Variants in ISM1 observed in about 807,000 individuals in gnomAD.
ISM1 encodes isthmin 1, also known as isthmin-1.
Under a neutral mutation model 46.3 loss-of-function variants are expected in ISM1, and 25 were observed. That is an observed-to-expected ratio of 0.54 (90% CI 0.39 to 0.75). The LOEUF (loss-of-function observed/expected upper bound fraction) is 0.75. ISM1 is among the 30% of genes least tolerant of loss of function. The pLI, the probability that ISM1 is intolerant of heterozygous loss-of-function variation, is 0.00. For synonymous variants in ISM1, 255 were observed against 256.7 expected (o/e 0.99, Z 0.06); for missense variants, 536 against 625.4 (o/e 0.86, Z 1.52).
rs2040443954 is a variant in ISM1, at chr20:13,299,870, TA to T, written c.*413del. On this transcript the variant is annotated 3_prime_UTR_variant, in exon 6 of 6. Coordinates refer to ENST00000262487, the MANE Select transcript of ISM1 (RefSeq NM_080826.2). This position sits in a 1 kb window ranked among gnomAD's most constrained non-coding sequence, Gnocchi z 5.8. The stretch of plus-strand genomic sequence containing the variant: ...TAACTTATTTAATACAAATGTGACT[TA>T]ATTAAGCGTAACCTTTTCTCTGGAG... The T allele has an allele frequency of 6.2e-6, 1 of 160,418 alleles. No individual in the cohort carries two copies. The allele number at this position is 160,418 out of a possible 1,614,324, so 9.9% of individuals were successfully genotyped here.
At chr20:13,326,643 C>T in the ISM1 span, among the ~76,000 whole-genome samples, 2 of 152,040 alleles carry the variant, frequency 1.3e-5, no homozygotes, top group East Asian at 3.9e-4. Context: ...GTTTCTTTGC[C>T]TTTCATAAAT....
chr20:13,294,363 A>G (rs2040385980), intron 5 of ISM1, among the ~76,000 whole-genome samples: 1 of 152,226 alleles, frequency 6.6e-6, no homozygotes, highest in African/African-American at 2.4e-5. Context: ...CTGCAAATAC[A>G]ATGCATTTGA....
At chr20:13,237,045 G>C (rs2039658870) in intron 1 of ISM1, among the ~76,000 whole-genome samples, 1 of 152,224 alleles carries the variant, frequency 6.6e-6, no homozygotes, top group Admixed American at 6.5e-5. Context: ...TAGGGACTCT[G>C]TGTGGGGGCT....
At chr20:13,277,636 C>G (rs1328374460) in intron 2 of ISM1, among the ~76,000 whole-genome samples, 1 of 137,870 alleles carries the variant, frequency 7.3e-6, no homozygotes, top group Non-Finnish European at 1.5e-5. Context: ...TTTTCTTCCC[C>G]CCTACCCTTT....
At chr20:13,325,576 C>T in the ISM1 span, among the ~76,000 whole-genome samples, 1 of 152,082 alleles carries the variant, frequency 6.6e-6, no homozygotes, top group South Asian at 2.1e-4. Context: ...CCCAGAGAAT[C>T]GATAATGGGT....
chr20:13,290,573 C>T (rs925366123), intron 4 of ISM1, among the ~76,000 whole-genome samples: 7 of 152,006 alleles, frequency 4.6e-5, no homozygotes, highest in Admixed American at 6.6e-5. Flanking sequence ...GGCAGGAACC[C>T]GGGAGGCGGA....
chr20:13,233,385 C>T (rs1007684192), intron 1 of ISM1, among the ~76,000 whole-genome samples: 3 of 151,832 alleles, frequency 2.0e-5, no homozygotes, highest in East Asian at 1.9e-4. Flanking sequence ...CACCTGAGGT[C>T]GGGAGTTCGA....
At position 13,221,659 on chromosome 20, in the gene ISM1, G is replaced by T; in HGVS notation, c.-118G>T. 1.1e-6 allele frequency: 1 copy of T among 875,476 alleles called. No homozygotes were observed. Among genetic ancestry groups the T allele is most frequent in the South Asian group, 5.2e-5 (1 of 19,412 alleles). The allele number at this position is 875,476 out of a possible 1,614,324, so 54.2% of individuals were successfully genotyped here. A position where few individuals can be genotyped will look rare whatever the true frequency, so the allele number is the denominator to read the frequency against. On this transcript the variant is annotated 5_prime_UTR_variant, in exon 1 of 6. Transcript: ENST00000262487. ...CGGGCCCGGGAAGCGGAGCCCTGGC[G>T]GGAGCCGAGGCGGGAGCCGCGCTGC...
intron 1 of ISM1, among the ~76,000 whole-genome samples, chr20:13,259,808 T>C (rs753861405): frequency 1.7e-4 from 26 of 152,226 alleles, no homozygotes; most frequent in Non-Finnish European, 2.6e-4. Flanking sequence ...TCCTACAGAA[T>C]TAAATACTTT....
intron 1 of ISM1, among the ~76,000 whole-genome samples, chr20:13,227,631 C>T (rs1005677343): frequency 2.6e-5 from 4 of 151,630 alleles, no homozygotes; most frequent in Non-Finnish European, 5.9e-5. Flanking sequence ...GCTTCAGCCT[C>T]CCGGGTAGCT....
the ISM1 span, among the ~76,000 whole-genome samples, chr20:13,324,489 C>G: frequency 1.3e-5 from 2 of 152,162 alleles, no homozygotes; most frequent in Non-Finnish European, 2.9e-5. Flanking sequence ...AATTTACATC[C>G]TTACTTCTCA....
intron 1 of ISM1, among the ~76,000 whole-genome samples, chr20:13,268,143 T>TCTCTTCTCTTCTCTTCTC (rs1653787409): frequency 6.6e-6 from 1 of 150,402 alleles, no homozygotes; most frequent in Non-Finnish European, 1.5e-5. Context: ...TCTCTTCTCT[T>TCTCTTCTCTTCTCTTCTC]CTCTTCTCTT....
intron 1 of ISM1, among the ~76,000 whole-genome samples, chr20:13,231,303 A>C (rs181673418): frequency 6.7e-4 from 102 of 152,340 alleles, no homozygotes; most frequent in Admixed American, 1.9e-3. Flanking sequence ...CAGCAAAAGA[A>C]CCAGGCTACC....
chr20:13,249,213 G>A (rs1234357383), intron 1 of ISM1, among the ~76,000 whole-genome samples: 4 of 152,198 alleles, frequency 2.6e-5, no homozygotes, highest in Non-Finnish European at 4.4e-5. Flanking sequence ...ATGATCTTCT[G>A]TTCTCCCCAC....
chr20:13,262,465 CTT>C (rs536983518), intron 1 of ISM1, among the ~76,000 whole-genome samples: 7 of 145,106 alleles, frequency 4.8e-5, no homozygotes, highest in Admixed American at 6.9e-5. Context: ...TTTTCTTTTT[CTT>C]TTTTTTTTTG....
intron 1 of ISM1, among the ~76,000 whole-genome samples, chr20:13,247,708 G>A (rs1340791222): frequency 2.6e-5 from 4 of 152,180 alleles, no homozygotes; most frequent in Non-Finnish European, 5.9e-5. Flanking sequence ...ACTGTGAGAA[G>A]TATTGAAAGC....
At chr20:13,276,077 C>A (rs148767935) in intron 2 of ISM1, among the ~76,000 whole-genome samples, 25 of 152,328 alleles carry the variant, frequency 1.6e-4, no homozygotes, top group African/African-American at 5.5e-4. Context: ...GTGTTCTTTC[C>A]ATGGCAGTTA....
chr20:13,247,395 G>A (rs995273861), intron 1 of ISM1, among the ~76,000 whole-genome samples: 2 of 152,100 alleles, frequency 1.3e-5, no homozygotes, highest in African/African-American at 4.8e-5. Flanking sequence ...ATTCATGTCT[G>A]CCCATCTGAT....
At chr20:13,325,612 C>T in the ISM1 span, among the ~76,000 whole-genome samples, 6 of 152,184 alleles carry the variant, frequency 3.9e-5, no homozygotes, top group Non-Finnish European at 7.3e-5. Context: ...GTGTTCCCTT[C>T]GGAAGACGAA....
Sources: gnomAD v4.1 joint callset for allele counts (sites outside exome capture counted in the v4.1 genomes callset) on GRCh38, gnomAD v4.1.1 for gene constraint, Gnocchi (gnomAD v3.1) non-coding constraint, MANE v1.5 for transcripts, NCBI Gene and HGNC (gene_info 2026-07-23, HGNC 2026-07-21) for gene names.